Variants in CAMK2D observed in about 807,000 individuals in gnomAD.
CAMK2D encodes the protein calcium/calmodulin-dependent protein kinase type II subunit delta.
CAMK2D carries 37 observed loss-of-function variants against 84.0 expected under a neutral mutation model. That is an observed-to-expected ratio of 0.44 (90% confidence interval 0.34 to 0.58). CAMK2D has a LOEUF of 0.58. Among genes scored for constraint, CAMK2D ranks in the 20% least tolerant of loss-of-function variants. The probability of loss-of-function intolerance (pLI) is 0.02; values close to 1 mark genes in which losing one functional copy is unlikely to be tolerated. For missense variants in CAMK2D, 448 were observed against 652.5 expected (o/e 0.69, Z 3.41); for synonymous variants, 202 against 212.5 (o/e 0.95, Z 0.43).
chr4:113,530,130 G>A (rs1395056368), intron 8 of CAMK2D, among the ~76,000 whole-genome samples: 1 of 152,186 alleles, frequency 6.6e-6, no homozygotes, highest in East Asian at 1.9e-4. Context: ...ATTACAGGGT[G>A]AGTATCCCTT....
chr4:113,455,301 T>C (rs970449399), intron 20 of CAMK2D, among the ~76,000 whole-genome samples: 1 of 152,162 alleles, frequency 6.6e-6, no homozygotes, highest in Non-Finnish European at 1.5e-5. Context: ...GCACAGCAAA[T>C]TGATTTACAC....
At chr4:113,651,001 T>C (rs1592505099) in intron 3 of CAMK2D, among the ~76,000 whole-genome samples, 2 of 152,300 alleles carry the variant, frequency 1.3e-5, no homozygotes, top group Middle Eastern at 3.4e-3. Context: ...AAACACACAA[T>C]AGCCCATCAC....
chr4:113,593,121 T>A (rs1176323005), intron 4 of CAMK2D, among the ~76,000 whole-genome samples: 1 of 152,352 alleles, frequency 6.6e-6, no homozygotes, highest in South Asian at 2.1e-4. Context: ...CCCAAAGTGC[T>A]GGGATTACAG....
In CAMK2D at chr4:113,552,091, G is replaced by T; in HGVS notation, c.281C>A (p.Thr94Asn). Residue 94 changes from threonine (T) to asparagine (N), a missense_variant, in exon 5 of 21, where the codon ACT (threonine) becomes AAT (asparagine). Physicochemically the swap from Thr to Asn is moderately conservative, Grantham distance 65. Around this residue, in one of 7 missense-constraint regions of CAMK2D, gnomAD observed 7 missense variants for 25.5 expected, o/e 0.27. Coordinates refer to ENST00000511664, the MANE Select transcript of CAMK2D (RefSeq NM_001321571.2). ...TATGTCTTCAAACAGTTCACCTCCAGTAACTCTGGGAAGATAAAAAACATA... is the reference window on the plus strand; with the variant it reads ...TATGTCTTCAAACAGTTCACCTCCATTAACTCTGGGAAGATAAAAAACATA... ...GFHYLVFDLV[T>N]GGELFEDIVA... 1 of 1,556,438 alleles carries T rather than the reference G, an allele frequency of 6.4e-7. No individual in the cohort carries two copies. Among genetic ancestry groups the T allele is most frequent in the Non-Finnish European group, 8.8e-7 (1 of 1,133,774 alleles).
chr4:113,541,533 A>G (rs887794237), intron 6 of CAMK2D, among the ~76,000 whole-genome samples: 2 of 152,196 alleles, frequency 1.3e-5, no homozygotes, highest in Non-Finnish European at 2.9e-5. Flanking sequence ...CACATCTAGA[A>G]GATGTGCCAT....
chr4:113,698,530 A>G (rs1332198312), intron 2 of CAMK2D, among the ~76,000 whole-genome samples: 1 of 152,146 alleles, frequency 6.6e-6, no homozygotes, highest in Non-Finnish European at 1.5e-5. Flanking sequence ...TATCCTCATT[A>G]TTATTATCTT....
Position 113,461,523 on chromosome 4 carries a change from C to G in CAMK2D, c.1212-1282G>C, listed in dbSNP as rs1010483161. On this transcript the variant is annotated intron_variant, in intron 17 of 20. Coordinates refer to ENST00000511664, the MANE Select transcript of CAMK2D (RefSeq NM_001321571.2). ...ATGCTTGGGGAATGATGACTGGTTG[C>G]TTGATATGGAAAGCAGGGTCACTGT... is the stretch of plus-strand genomic sequence containing the variant. Among the ~76,000 whole-genome samples, 11 of 152,162 alleles carry G rather than the reference C, an allele frequency of 7.2e-5. 1 individual carries two copies. In the South Asian group the frequency reaches 1.2e-3, roughly 17 times the overall value.
At chr4:113,671,552 C>T (rs546640297) in intron 2 of CAMK2D, among the ~76,000 whole-genome samples, 24 of 152,270 alleles carry the variant, frequency 1.6e-4, no homozygotes, top group Admixed American at 8.5e-4. Context: ...TTGTGTTGGG[C>T]GACACTGGAG....
chr4:113,457,995 G>C (rs546207802), intron 18 of CAMK2D, among the ~76,000 whole-genome samples: 1 of 152,258 alleles, frequency 6.6e-6, no homozygotes, highest in East Asian at 1.9e-4. Flanking sequence ...GGTTGTTTTT[G>C]TTAGTTGGTG....
At chr4:113,567,459 C>T (rs921691016) in intron 4 of CAMK2D, among the ~76,000 whole-genome samples, 3 of 152,116 alleles carry the variant, frequency 2.0e-5, no homozygotes, top group Non-Finnish European at 4.4e-5. Flanking sequence ...TGAGCCACTG[C>T]ACCCGGCCAG....
intron 4 of CAMK2D, among the ~76,000 whole-genome samples, chr4:113,595,938 CT>C (rs1198712200): frequency 6.6e-6 from 1 of 152,114 alleles, no homozygotes; most frequent in Admixed American, 6.6e-5. Flanking sequence ...TATTGATTGA[CT>C]TTTTTTCAGG....
rs998573253 is a variant in CAMK2D at position 113,713,988 on chromosome 4, T to C, written c.160+45332A>G. Reference sequence around the variant, plus strand: ...GTTTTTTGTGAGTTTTTAAAACAAATATATCCTTCATTACCACTATATCAT... The same window carrying C: ...GTTTTTTGTGAGTTTTTAAAACAAACATATCCTTCATTACCACTATATCAT... On this transcript the variant is annotated intron_variant, in intron 2 of 20. Coordinates refer to ENST00000511664, the MANE Select transcript of CAMK2D (RefSeq NM_001321571.2). 2.0e-5 allele frequency among the ~76,000 whole-genome samples: 3 copies of C among 152,014 alleles called. No homozygotes were observed. In the East Asian group the frequency reaches 5.8e-4, roughly 29 times the overall value.
intron 17 of CAMK2D, among the ~76,000 whole-genome samples, chr4:113,461,177 TTTTC>T (rs2097368846): frequency 6.6e-6 from 1 of 152,200 alleles, no homozygotes; most frequent in Admixed American, 6.5e-5. Context: ...CTCATATTGG[TTTTC>T]TTTCTTAATC....
intron 4 of CAMK2D, among the ~76,000 whole-genome samples, chr4:113,603,775 A>T (rs1208323517): frequency 1.5e-4 from 8 of 55,082 alleles, no homozygotes; most frequent in African/African-American, 3.1e-4. Context: ...TTGCTATTTT[A>T]TATATATATA....
intron 3 of CAMK2D, among the ~76,000 whole-genome samples, chr4:113,648,125 T>C (rs1321709124): frequency 1.3e-5 from 2 of 152,222 alleles, no homozygotes; most frequent in Non-Finnish European, 2.9e-5. Flanking sequence ...GATATAACCC[T>C]ATTTAAAATT....
intron 7 of CAMK2D, among the ~76,000 whole-genome samples, chr4:113,536,051 A>C (rs2098487576): frequency 6.6e-6 from 1 of 152,194 alleles, no homozygotes; most frequent in African/African-American, 2.4e-5. Flanking sequence ...TCCAGGATAC[A>C]GAGATCATCT....
In CAMK2D at chr4:113,492,115, A is replaced by G. The variant is rs13144930; in HGVS notation, c.1135+8348T>C. ...CAGCTCCTGGATTCATTAATTTTTT[A>G]AAGGGTTTTTTGTGTCTCTATTTCC... On this transcript the variant is annotated intron_variant, in intron 16 of 20. Coordinates refer to ENST00000511664, the MANE Select transcript of CAMK2D (RefSeq NM_001321571.2). Among the ~76,000 whole-genome samples, 92 of 151,758 alleles carry G rather than the reference A, an allele frequency of 6.1e-4. 1 individual carries two copies. The highest frequency in any genetic ancestry group is 2.1e-3 in the African/African-American group (86 of 41,380).
At chr4:113,501,224 G>A (rs950815906) in intron 15 of CAMK2D, among the ~76,000 whole-genome samples, 1 of 151,286 alleles carries the variant, frequency 6.6e-6, no homozygotes, top group South Asian at 2.1e-4. Context: ...CTCTTTCTTT[G>A]TAAAACTACA....
At chr4:113,756,008 A>T (rs2099627753) in intron 2 of CAMK2D, among the ~76,000 whole-genome samples, 1 of 152,010 alleles carries the variant, frequency 6.6e-6, no homozygotes, top group African/African-American at 2.4e-5. Context: ...AAGCCAAATT[A>T]TATATGAGTG....
Sources: allele counts gnomAD v4.1 joint callset (sites outside exome capture counted in the v4.1 genomes callset), GRCh38; gene constraint gnomAD v4.1.1; regional missense constraint gnomAD v4.1.1; transcripts MANE v1.5; gene names NCBI Gene and HGNC (gene_info 2026-07-23, HGNC 2026-07-21).